FASTKD1: variants seen among roughly 807,000 people sequenced by gnomAD.
FASTKD1 encodes FAST kinase domains 1.
In FASTKD1, 94 loss-of-function variants were observed where a neutral mutation model predicts 90.9. The ratio of observed to expected loss-of-function variants is 1.03; its 90% CI spans 0.88 to 1.23. The LOEUF is 1.23. Among genes scored for constraint, FASTKD1 ranks in the 50% most tolerant of loss-of-function variants. The pLI is 0.00. For missense variants in FASTKD1, 945 were observed against 993.5 expected (o/e 0.95, Z 0.66); for synonymous variants, 319 against 345.8 (o/e 0.92, Z 0.86).
rs1684359605 is a variant in FASTKD1, at chr2:169,528,682, C to T, written c.*1143G>A. Among the ~76,000 whole-genome samples, 1 of 152,108 alleles carries T rather than the reference C, an allele frequency of 6.6e-6. No homozygotes were observed. On this transcript the variant is annotated 3_prime_UTR_variant, in exon 15 of 15. Transcript: ENST00000453153. ...CCCATTTTCTCTTGAACCAGTCAGG[C>T]TTTCACATGCACCACTTCAAAACGA...
intron 4 of FASTKD1, among the ~76,000 whole-genome samples, chr2:169,562,001 A>C: frequency 8.7e-6 from 1 of 114,808 alleles, no homozygotes; most frequent in Admixed American, 1.0e-4. Flanking sequence ...TAAATTAATT[A>C]TTCATTAATT....
intron 7 of FASTKD1, among the ~76,000 whole-genome samples, chr2:169,549,311 G>A (rs541115540): frequency 6.6e-5 from 10 of 151,938 alleles, no homozygotes; most frequent in African/African-American, 2.4e-4. Flanking sequence ...GCTGAGGCAG[G>A]AGAATCGGTT....
Position 169,544,702 on chromosome 2 carries a change from T to TAC in FASTKD1, c.1816+17_1816+18dup. On this transcript the variant is annotated intron_variant, in intron 9 of 14. Transcript: ENST00000453153. Reference sequence around the variant, plus strand: ...CCTCTGACTTATTCACTCAATGTATTACCAAACAATATACCTACCTAAGTA... The same window carrying TAC: ...CCTCTGACTTATTCACTCAATGTATTACACCAAACAATATACCTACCTAAGTA... The TAC allele has an allele frequency of 7.4e-7, 1 of 1,355,892 alleles. No individual in the cohort carries two copies. Among genetic ancestry groups the TAC allele is most frequent in the Non-Finnish European group, 1.1e-6 (1 of 947,454 alleles). The allele number at this position is 1,355,892 out of a possible 1,614,324, so 84.0% of individuals were successfully genotyped here.
chr2:169,571,994 A>T lies in FASTKD1; in HGVS notation c.36T>A (p.Val12=), dbSNP rs1336900684. 1.9e-6 allele frequency: 3 copies of T among 1,601,984 alleles called. No individual in the cohort carries two copies. The highest frequency in any genetic ancestry group is 2.6e-6 in the Non-Finnish European group (3 of 1,174,094). Residue 12 remains valine, a synonymous_variant, in exon 2 of 15, where the codon GTT becomes GTA. Transcript: ENST00000453153. ...KKTPVFLESL[V]TNMLRLRAIC... ...TAGCTCTTAGACGAAGCATATTTGT[A>T]ACCAATGACTCTAGGAAAACAGGTG...
At position 169,538,014 on chromosome 2, in the gene FASTKD1, TTTA is replaced by T; in HGVS notation, c.2070_2072del (p.Asn690del). 1.9e-6 allele frequency: 3 copies of T among 1,591,714 alleles called. No homozygotes were observed. Among genetic ancestry groups the T allele is most frequent in the Non-Finnish European group, 1.7e-6 (2 of 1,174,446 alleles). On this transcript the variant is annotated inframe_deletion and splice_region_variant, in exon 11 of 15. Transcript: ENST00000453153. ...ATCTGACTAAAAGAAAACTCAAACC[TTTA>T]TTATATTGTTGACAGAAGCGGTCAT...
chr2:169,531,298 C>T, intron 13 of FASTKD1, 54 bp downstream of exon 13: 1 of 1,558,176 alleles, frequency 6.4e-7, no homozygotes, highest in Non-Finnish European at 8.9e-7. Context: ...CAGTATAGTA[C>T]ACCAAATTTA....
In FASTKD1 at chr2:169,571,752, CTG is replaced by C. The variant is rs770305636; in HGVS notation, c.276_277del (p.Asp94ProfsTer9). ...AAGAGTAAGAAATTGAGGATGGTCT[CTG>C]ACATACTCAGCATTTTTTAACAGGC... On this transcript the variant is annotated frameshift_variant, in exon 2 of 15. Coordinates refer to ENST00000453153, the MANE Select transcript of FASTKD1 (RefSeq NM_024622.6). LOFTEE classifies it high-confidence loss of function. 1 of 1,613,704 alleles carries C rather than the reference CTG, an allele frequency of 6.2e-7. No individual in the cohort carries two copies. Among genetic ancestry groups the C allele is most frequent in the Non-Finnish European group, 8.5e-7 (1 of 1,179,664 alleles).
intron 3 of FASTKD1, 40 bp from the exon 4 acceptor site, chr2:169,563,390 C>T (rs1482046999): frequency 7.0e-7 from 1 of 1,421,484 alleles, no homozygotes; most frequent in Non-Finnish European, 9.6e-7. Context: ...TTAGTATTTA[C>T]TTTCACTTAA....
intron 1 of FASTKD1, among the ~76,000 whole-genome samples, chr2:169,572,398 A>G (rs1684273682): frequency 6.6e-6 from 1 of 151,920 alleles, no homozygotes; most frequent in Non-Finnish European, 1.5e-5. Context: ...AAGTTTTCAA[A>G]TTTACCATAA....
In FASTKD1 at chr2:169,557,215, C is replaced by T; in HGVS notation, c.1054G>A (p.Glu352Lys). The change falls in exon 6 of 15, where the codon GAA becomes AAA. Residue 352 changes from glutamate to lysine, a missense_variant. By Grantham distance (56) the Glu-to-Lys change is moderately conservative. Transcript: ENST00000453153. The part of the protein sequence containing the change: ...LAVLGAMGDM[E>K]SRNSCLIKRV... ...TTAATCAGACATGAGTTTCTGCTTT[C>T]CATATCTCCCATTGCTCCCAACACT... 1.2e-6 allele frequency: 2 copies of T among 1,611,672 alleles called. No homozygotes were observed. Among genetic ancestry groups the T allele is most frequent in the Non-Finnish European group, 1.7e-6 (2 of 1,178,190 alleles).
intron 3 of FASTKD1, among the ~76,000 whole-genome samples, chr2:169,564,267 A>G (rs1683852922): frequency 6.6e-6 from 1 of 152,176 alleles, no homozygotes; most frequent in South Asian, 2.1e-4. Flanking sequence ...AAGACAATCA[A>G]CAAAATTTGA....
chr2:169,561,477 A>G lies in FASTKD1; in HGVS notation c.573-692T>C, dbSNP rs375816627. ...CAGTAAGTAATCTTATGTTAAAAAC[A>G]AAACAAACCCTCAAACCACTGGTAT... On this transcript the variant is annotated intron_variant, in intron 4 of 14. Transcript: ENST00000453153. Among the ~76,000 whole-genome samples, 3 of 152,118 alleles carry G rather than the reference A, an allele frequency of 2.0e-5. No homozygotes were observed. The East Asian group carries it at 5.8e-4, about 29-fold the overall frequency.
intron 3 of FASTKD1, among the ~76,000 whole-genome samples, chr2:169,565,680 T>C (rs1683943428): frequency 1.3e-5 from 2 of 152,210 alleles, no homozygotes; most frequent in South Asian, 4.1e-4. Context: ...AATATATTGA[T>C]TTCCTGTCTT....
chr2:169,561,740 T>TATAAATTATTTATTA (rs1559156355), intron 4 of FASTKD1, among the ~76,000 whole-genome samples: 2 of 69,182 alleles, frequency 2.9e-5, no homozygotes, highest in African/African-American at 8.2e-5. Context: ...ATAAATTAAT[T>TATAAATTATTTATTA]ATTCATTATA....
In FASTKD1 at chr2:169,531,354, T is replaced by G. The variant is rs201912471; in HGVS notation, c.2325A>C (p.Glu775Asp). The G allele has an allele frequency of 1.1e-5, 18 of 1,613,368 alleles. No individual in the cohort carries two copies. Among genetic ancestry groups the G allele is most frequent in the Non-Finnish European group, 2.5e-6 (3 of 1,179,642 alleles). Residue 775 changes from glutamate to aspartate, a missense_variant and splice_region_variant, in exon 13 of 15, where the codon GAA becomes GAC. Coordinates refer to ENST00000453153, the MANE Select transcript of FASTKD1 (RefSeq NM_024622.6). ...TCTAAAACTAAGAAATAAATTACCT[T>G]TCAGCCCCTGGTGGCAGCCTTGATC... The part of the protein sequence containing the change: ...IVGSRLPPGA[E>D]RIALEFLDSK...
At chr2:169,539,929 G>T in intron 10 of FASTKD1, 122 bp downstream of exon 10, 1 of 503,372 alleles carries the variant, frequency 2.0e-6, no homozygotes, top group Non-Finnish European at 3.3e-6. Flanking sequence ...TCTACAATAA[G>T]CATGAATACT....
rs567984637 is a variant in FASTKD1, at chr2:169,536,409, T to A, written c.2188+818A>T. On this transcript the variant is annotated intron_variant, in intron 12 of 14. Transcript: ENST00000453153. ...CTTAAAAAGGACAACATGCAAAAAA[T>A]ATATATATATATATTAAGGTGTCTA... Among the ~76,000 whole-genome samples the A allele has an allele frequency of 2.9e-3, 441 of 150,830 alleles. 1 individual carries two copies. Among genetic ancestry groups the A allele is most frequent in the African/African-American group, 8.6e-3 (356 of 41,300 alleles).
chr2:169,532,402 CA>C (rs57524382), intron 12 of FASTKD1, among the ~76,000 whole-genome samples: 185 of 80,516 alleles, frequency 2.3e-3, no homozygotes, highest in Admixed American at 2.7e-3. Flanking sequence ...CAGAGCCAGA[CA>C]AAAAAAAAAA....
chr2:169,552,610 G>A (rs1325066473), intron 7 of FASTKD1, among the ~76,000 whole-genome samples: 1 of 152,120 alleles, frequency 6.6e-6, no homozygotes, highest in Non-Finnish European at 1.5e-5. Context: ...GGGTGGAGCT[G>A]AAGGCCATTA....
Sources: gnomAD v4.1 joint callset for allele counts (sites outside exome capture counted in the v4.1 genomes callset) on GRCh38, gnomAD v4.1.1 for gene constraint, MANE v1.5 for transcripts, NCBI Gene and HGNC (gene_info 2026-07-23, HGNC 2026-07-21) for gene names.